Variants in WFS1 observed in about 807,000 individuals in gnomAD.
WFS1 encodes the protein wolframin.
WFS1 carries 90 observed loss-of-function variants against 68.5 expected under a neutral mutation model. The observed-to-expected ratio is 1.31, with a 90% CI of 1.11 to 1.56. WFS1 has a LOEUF of 1.56. Among genes scored for constraint, WFS1 ranks in the 40% most tolerant of loss-of-function variants. WFS1 has a pLI of 0.00. For synonymous variants in WFS1, 860 were observed against 540.7 expected, an observed-to-expected ratio of 1.59 and a Z score of -8.19; for missense variants, 1,767 against 1,232.6, an observed-to-expected ratio of 1.43 and a Z score of -6.49.
rs1407119484 is a variant in WFS1 at position 6,289,148 on chromosome 4, CTTAGAACAGCCTCTGGA to C, written c.460+18_460+34del. Reference sequence around the variant, plus strand: ...ACAGAAGAGGTGGGTCTGTGTGAGGCTTAGAACAGCCTCTGGAGGGTTGAGCAGCTTGTAATGCTGCT... The same window carrying C: ...ACAGAAGAGGTGGGTCTGTGTGAGGCGGGTTGAGCAGCTTGTAATGCTGCT... On this transcript the variant is annotated intron_variant, in intron 4 of 7. Transcript: ENST00000226760. 6.4e-7 allele frequency: 1 copy of C among 1,565,262 alleles called. No homozygotes were observed. Among genetic ancestry groups the C allele is most frequent in the South Asian group, 1.2e-5 (1 of 85,048 alleles).
At chr4:6,285,159 G>GTCCAGTGAGAGTTACA (rs1553876362) in intron 2 of WFS1, among the ~76,000 whole-genome samples, 1 of 58,012 alleles carries the variant, frequency 1.7e-5, no homozygotes, top group Non-Finnish European at 3.3e-5. Flanking sequence ...CAAGAGTTGC[G>GTCCAGTGAGAGTTACA]TCCAGGGAGA....
rs564775011 is a variant in WFS1, at chr4:6,294,037, C to G, written c.713-1004C>G. Among the ~76,000 whole-genome samples, 10 of 152,284 alleles carry G rather than the reference C, an allele frequency of 6.6e-5. No individual in the cohort carries two copies. In the South Asian group the frequency reaches 2.1e-3, roughly 32 times the overall value. On this transcript the variant is annotated intron_variant, in intron 6 of 7. Transcript: ENST00000226760. Reference sequence around the variant, plus strand: ...GCTGCAGCTACACCTGGGTGCTGCCCCGACTCCTCTCCTCTTGCACACACA... The same window carrying G: ...GCTGCAGCTACACCTGGGTGCTGCCGCGACTCCTCTCCTCTTGCACACACA...
rs876658117 is a variant in WFS1 at position 6,300,815 on chromosome 4, C to G, written c.1020C>G (p.Phe340Leu). The G allele has an allele frequency of 1.2e-6, 2 of 1,614,018 alleles. No homozygotes were observed. Among genetic ancestry groups the G allele is most frequent in the Non-Finnish European group, 1.7e-6 (2 of 1,179,914 alleles). The change falls in exon 8 of 8, where the codon TTC (phenylalanine) becomes TTG (leucine). Residue 340 changes from phenylalanine to leucine, a missense_variant. Coordinates refer to ENST00000226760, the MANE Select transcript of WFS1 (RefSeq NM_006005.3). Reference protein sequence around the residue: ...FFIVSNLTIDFFAFFIPLVIF... With the variant: ...FFIVSNLTIDLFAFFIPLVIF... ...TCGTCAGCAACCTCACCATCGACTT[C>G]TTCGCCTTCTTCATCCCGCTGGTCA...
chr4:6,280,537 A>AGCCTGTTCTGG (rs990392893), intron 2 of WFS1, among the ~76,000 whole-genome samples: 2 of 152,082 alleles, frequency 1.3e-5, no homozygotes, highest in South Asian at 2.1e-4. Flanking sequence ...CCTGGCAGAG[A>AGCCTGTTCTGG]GCCTGTTCTG....
chr4:6,284,651 G>A (rs953265267), intron 2 of WFS1, among the ~76,000 whole-genome samples: 1 of 151,842 alleles, frequency 6.6e-6, no homozygotes, highest in Non-Finnish European at 1.5e-5. Context: ...CTGGGGAAGT[G>A]GGGGAGGGAA....
intron 7 of WFS1, among the ~76,000 whole-genome samples, chr4:6,299,567 TTGCGTG>T (rs1730775173): frequency 2.1e-5 from 1 of 46,560 alleles, no homozygotes; most frequent in African/African-American, 8.7e-5. Context: ...TAGGGGTGGG[TTGCGTG>T]TGTGTGAATG....
intron 6 of WFS1, among the ~76,000 whole-genome samples, chr4:6,293,071 G>A (rs931913325): frequency 6.6e-6 from 1 of 152,324 alleles, no homozygotes; most frequent in East Asian, 1.9e-4. Flanking sequence ...CCGAGGACCA[G>A]AGAGGCTGTG....
intron 7 of WFS1, among the ~76,000 whole-genome samples, chr4:6,298,663 T>TA (rs1383782483): frequency 6.6e-6 from 1 of 151,958 alleles, no homozygotes; most frequent in Non-Finnish European, 1.5e-5. Flanking sequence ...CACACACTCA[T>TA]AACACTTCCG....
At position 6,291,934 on chromosome 4, in the gene WFS1, G is replaced by T; in HGVS notation, c.649G>T (p.Gly217Cys). The part of the protein sequence containing the change: ...VNEHDGGAQP[G>C]PVPKSLQKQR... ...CCCTGCAGATGGAGGGGCGCAGCCAGGCCCCGTGCCCAAGTCCCTGCAGAA... is the reference window on the plus strand; with the variant it reads ...CCCTGCAGATGGAGGGGCGCAGCCATGCCCCGTGCCCAAGTCCCTGCAGAA... Residue 217 changes from glycine (G) to cysteine (C), a missense_variant, in exon 6 of 8, where the codon GGC becomes TGC. Physicochemically the swap from Gly to Cys is radical, Grantham distance 159. Coordinates refer to ENST00000226760, the MANE Select transcript of WFS1 (RefSeq NM_006005.3). 6.2e-7 allele frequency: 1 copy of T among 1,611,146 alleles called. No individual in the cohort carries two copies. The highest frequency in any genetic ancestry group is 1.1e-5 in the South Asian group (1 of 90,190).
chr4:6,300,380 C>T (rs961714122), intron 7 of WFS1, among the ~76,000 whole-genome samples: 1 of 152,036 alleles, frequency 6.6e-6, no homozygotes, highest in Admixed American at 6.5e-5. Flanking sequence ...GAGAGAAGCA[C>T]ACATGCATCT....
Position 6,301,982 on chromosome 4 carries a change from C to T in WFS1, c.2187C>T (p.Asp729=), listed in dbSNP as rs368554932. 2.7e-5 allele frequency: 44 copies of T among 1,612,780 alleles called. 1 individual carries two copies. The South Asian group carries it at 4.2e-4, about 15-fold the overall frequency. The change falls in exon 8 of 8, where the codon GAC becomes GAT. Residue 729 remains aspartate (D), a synonymous_variant. Transcript: ENST00000226760. ...AINMLPFFIG[D]WMRCLYGEAY... The stretch of plus-strand genomic sequence containing the variant: ...ACATGCTCCCGTTCTTCATCGGCGA[C>T]TGGATGCGCTGCCTCTACGGCGAGG...
chr4:6,279,665 A>G (rs1179996412), intron 2 of WFS1, among the ~76,000 whole-genome samples: 2 of 152,144 alleles, frequency 1.3e-5, no homozygotes, highest in East Asian at 1.9e-4. Flanking sequence ...ACAGGAGTGA[A>G]CAAGGAACTA....
chr4:6,285,567 C>T (rs1730289849), intron 2 of WFS1, among the ~76,000 whole-genome samples: 1 of 152,208 alleles, frequency 6.6e-6, no homozygotes. Flanking sequence ...AGGGCCTCAC[C>T]TGCCACCTGC....
chr4:6,292,121 T>TG, intron 6 of WFS1, 124 bp downstream of exon 6: 1 of 1,011,012 alleles, frequency 9.9e-7, no homozygotes. Flanking sequence ...AGCCTGCGCC[T>TG]GCAGGGCGAC....
Position 6,277,635 on chromosome 4 carries a change from C to T in WFS1, c.180C>T (p.Pro60=), listed in dbSNP as rs1450499322. 16 of 1,568,748 alleles carry T rather than the reference C, an allele frequency of 1.0e-5. No homozygotes were observed. In the East Asian group the frequency reaches 1.9e-4, roughly 18 times the overall value. The stretch of plus-strand genomic sequence containing the variant: ...CTGGTGTTAGAGACGCAGCGGCCCC[C>T]GCTGAACCCCAGGCCCAGCATACCA... ...PGPGVRDAAA[P]AEPQAQHTRS... The change falls in exon 2 of 8, where the codon CCC becomes CCT. Residue 60 remains proline, a synonymous_variant. Coordinates refer to ENST00000226760, the MANE Select transcript of WFS1 (RefSeq NM_006005.3).
chr4:6,293,774 G>C (rs1452956767), intron 6 of WFS1, among the ~76,000 whole-genome samples: 1 of 152,198 alleles, frequency 6.6e-6, no homozygotes, highest in Non-Finnish European at 1.5e-5. Context: ...TCTTCCCGTA[G>C]GGACTGTGCT....
chr4:6,288,909 A>T, intron 3 of WFS1, 78 bp from the exon 4 acceptor site: 1 of 1,562,582 alleles, frequency 6.4e-7, no homozygotes, highest in Non-Finnish European at 8.7e-7. Flanking sequence ...GAAGTGGGTG[A>T]AAGGAGGTGG....
At position 6,301,653 on chromosome 4, in the gene WFS1, G is replaced by A. The variant is rs766526922; in HGVS notation, c.1858G>A (p.Val620Met). The A allele has an allele frequency of 6.2e-7, 1 of 1,614,114 alleles. No individual in the cohort carries two copies. Among genetic ancestry groups the A allele is most frequent in the Non-Finnish European group, 8.5e-7 (1 of 1,180,008 alleles). ...LRWWTKASFSVVGMVKSLTRS... is the reference protein window; with the variant it reads ...LRWWTKASFSMVGMVKSLTRS... ...CTGGTGGACCAAGGCCAGCTTCTCT[G>A]TGGTGGGGATGGTGAAGTCCCTGAC... Residue 620 changes from valine (V) to methionine (M), a missense_variant, in exon 8 of 8, where the codon GTG becomes ATG. Physicochemically the swap from Val to Met is conservative, Grantham distance 21. Coordinates refer to ENST00000226760, the MANE Select transcript of WFS1 (RefSeq NM_006005.3).
At chr4:6,270,497 G>A (rs1175768699) in intron 1 of WFS1, among the ~76,000 whole-genome samples, 2 of 152,048 alleles carry the variant, frequency 1.3e-5, no homozygotes, top group African/African-American at 4.8e-5. Context: ...TCCCCCAGGG[G>A]GACCCGGCCC....
Sources: gnomAD v4.1 joint callset for allele counts (sites outside exome capture counted in the v4.1 genomes callset) on GRCh38, gnomAD v4.1.1 for gene constraint, MANE v1.5 for transcripts, NCBI Gene and HGNC (gene_info 2026-07-23, HGNC 2026-07-21) for gene names.